MYO1E: variants seen among roughly 807,000 people sequenced by gnomAD.
The protein encoded by MYO1E is myosin IE.
Under a neutral mutation model 151.1 loss-of-function variants are expected in MYO1E, and 68 were observed. That is an observed-to-expected ratio of 0.45 (90% CI 0.37 to 0.55). The LOEUF (loss-of-function observed/expected upper bound fraction) is 0.55, where lower values mean the gene tolerates loss of function less well. Ranked by LOEUF, MYO1E falls within the 20% of genes least tolerant of loss-of-function variation. MYO1E has a pLI of 0.00. For missense variants in MYO1E, 1,363 were observed against 1,389.3 expected, an observed-to-expected ratio of 0.98 and a Z score of 0.30; for synonymous variants, 601 against 501.7, an observed-to-expected ratio of 1.20 and a Z score of -2.64.
intron 18 of MYO1E, among the ~76,000 whole-genome samples, chr15:59,186,718 C>G (rs1434110182): frequency 6.6e-6 from 1 of 152,206 alleles, no homozygotes; most frequent in African/African-American, 2.4e-5. Flanking sequence ...CACCACTGCA[C>G]TCCTGAGTAA....
intron 1 of MYO1E, among the ~76,000 whole-genome samples, chr15:59,337,026 TAA>T (rs10562967): frequency 0.41 from 62,229 of 150,814 alleles, 14,333 homozygotes; most frequent in East Asian, 0.78. Flanking sequence ...CTCCTAGTTT[TAA>T]AAAAAAAAAT....
intron 2 of MYO1E, among the ~76,000 whole-genome samples, chr15:59,265,244 G>C (rs970302526): frequency 6.6e-6 from 1 of 152,066 alleles, no homozygotes; most frequent in African/African-American, 2.4e-5. Flanking sequence ...GGTTACTGCC[G>C]CCTTGTCCTA....
chr15:59,180,905 A>T (rs2079654617), intron 18 of MYO1E, among the ~76,000 whole-genome samples: 1 of 152,186 alleles, frequency 6.6e-6, no homozygotes, highest in South Asian at 2.1e-4. Context: ...TTTAAGACTC[A>T]AATATGCTAA....
At chr15:59,247,149 T>G (rs1186035259) in intron 4 of MYO1E, among the ~76,000 whole-genome samples, 3 of 152,232 alleles carry the variant, frequency 2.0e-5, no homozygotes, top group African/African-American at 7.2e-5. Flanking sequence ...TGTGTTGAAA[T>G]TGTGCCACTG....
intron 1 of MYO1E, among the ~76,000 whole-genome samples, chr15:59,364,428 G>A (rs2080901930): frequency 6.6e-6 from 1 of 152,294 alleles, no homozygotes; most frequent in Middle Eastern, 3.4e-3. Context: ...ACTCTCCCCT[G>A]TACACACTTC....
chr15:59,293,047 T>G (rs1365648413), intron 1 of MYO1E, among the ~76,000 whole-genome samples: 1 of 152,032 alleles, frequency 6.6e-6, no homozygotes, highest in Non-Finnish European at 1.5e-5. Flanking sequence ...GGCATGGGGG[T>G]ACCATTGGTC....
At chr15:59,190,631 G>A (rs768480577) in intron 17 of MYO1E, among the ~76,000 whole-genome samples, 3 of 152,194 alleles carry the variant, frequency 2.0e-5, no homozygotes, top group African/African-American at 4.8e-5. Context: ...TTCCTGCTGC[G>A]CCACTGGCCC....
At chr15:59,276,834 G>C (rs1295746905) in intron 1 of MYO1E, among the ~76,000 whole-genome samples, 1 of 152,188 alleles carries the variant, frequency 6.6e-6, no homozygotes, top group Non-Finnish European at 1.5e-5. Context: ...GAAGAGCAAA[G>C]GTGAGTCAGC....
intron 4 of MYO1E, among the ~76,000 whole-genome samples, chr15:59,246,018 G>A (rs1223630700): frequency 2.6e-5 from 4 of 152,218 alleles, no homozygotes; most frequent in Admixed American, 2.0e-4. Context: ...ACAGATTAAT[G>A]AGCTAAGCAG....
At chr15:59,308,322 G>T (rs2080528197) in intron 1 of MYO1E, among the ~76,000 whole-genome samples, 1 of 150,308 alleles carries the variant, frequency 6.7e-6, no homozygotes, top group Non-Finnish European at 1.5e-5. Context: ...GATCGCCTGA[G>T]GTCAGGAGTT....
intron 27 of MYO1E, among the ~76,000 whole-genome samples, chr15:59,137,852 A>T (rs527894028): frequency 6.6e-6 from 1 of 152,224 alleles, no homozygotes; most frequent in Non-Finnish European, 1.5e-5. Flanking sequence ...ATTTGGTCTG[A>T]TCAGAATAAA....
intron 2 of MYO1E, among the ~76,000 whole-genome samples, chr15:59,266,140 G>C (rs947261539): frequency 1.3e-5 from 2 of 152,090 alleles, no homozygotes. Flanking sequence ...TGTCTGCAGA[G>C]ACCTTAGCTA....
chr15:59,156,442 C>T (rs947231708), intron 25 of MYO1E, among the ~76,000 whole-genome samples: 1 of 152,226 alleles, frequency 6.6e-6, no homozygotes, highest in African/African-American at 2.4e-5. Context: ...GTCTTGGTCT[C>T]CCAAAGTGCT....
chr15:59,268,257 TC>T (rs746930952), intron 2 of MYO1E, among the ~76,000 whole-genome samples: 65 of 152,112 alleles, frequency 4.3e-4, no homozygotes, highest in Non-Finnish European at 7.5e-4. Flanking sequence ...TCCATCAAGC[TC>T]CCTCAAAGCT....
In MYO1E at chr15:59,171,979, T is replaced by A; in HGVS notation, c.2398A>T (p.Lys800Ter). Residue 800 changes from lysine (K) to a stop codon, truncating the protein, a stop_gained, in exon 22 of 28, where the codon AAA becomes TAA. Coordinates refer to ENST00000288235, the MANE Select transcript of MYO1E (RefSeq NM_004998.4). LOFTEE classifies it high-confidence loss of function. ...ACCAGGCCCTTGTCTGGGCCCTGTTTGACTTTTTCTCGTCCGATTAAGTAC... is the reference window on the plus strand; with the variant it reads ...ACCAGGCCCTTGTCTGGGCCCTGTTAGACTTTTTCTCGTCCGATTAAGTAC... ...CLYLIGREKV[K>*]QGPDKGLVKE... 1 of 1,614,236 alleles carries A rather than the reference T, an allele frequency of 6.2e-7. No individual in the cohort carries two copies. Among genetic ancestry groups the A allele is most frequent in the Non-Finnish European group, 8.5e-7 (1 of 1,180,038 alleles).
chr15:59,254,520 T>C (rs2080183174), intron 4 of MYO1E, among the ~76,000 whole-genome samples: 1 of 152,194 alleles, frequency 6.6e-6, no homozygotes, highest in African/African-American at 2.4e-5. Flanking sequence ...CCTGCCAGAT[T>C]TGCTTTAAGT....
intron 26 of MYO1E, among the ~76,000 whole-genome samples, chr15:59,145,186 G>A (rs1596340449): frequency 6.6e-6 from 1 of 152,110 alleles, no homozygotes; most frequent in Non-Finnish European, 1.5e-5. Context: ...GATTAATGAG[G>A]TCTTCTAGGC....
At chr15:59,354,184 G>A (rs1259463296) in intron 1 of MYO1E, among the ~76,000 whole-genome samples, 1 of 152,214 alleles carries the variant, frequency 6.6e-6, no homozygotes, top group Non-Finnish European at 1.5e-5. Flanking sequence ...ACTGGAATTT[G>A]TGGGGAGCAG....
At position 59,253,481 on chromosome 15, in the gene MYO1E, G is replaced by GTTT. The variant is rs5812967; in HGVS notation, c.332+2800_332+2802dup. 7.1e-3 allele frequency among the ~76,000 whole-genome samples: 906 copies of GTTT among 126,866 alleles called. 36 individuals are homozygous for GTTT. The highest frequency in any genetic ancestry group is 0.021 in the African/African-American group (704 of 33,746). 83.2% of individuals were successfully genotyped at this position (126,866 alleles called of 152,430 possible). On this transcript the variant is annotated intron_variant, in intron 4 of 27. Coordinates refer to ENST00000288235, the MANE Select transcript of MYO1E (RefSeq NM_004998.4). Reference sequence around the variant, plus strand: ...AAAAACGGAATCTGAGTCTGATCGAGTTTTTTTTTTTTTTTTTTTGAGACA... The same window carrying GTTT: ...AAAAACGGAATCTGAGTCTGATCGAGTTTTTTTTTTTTTTTTTTTTTTGAGACA...
Sources: allele counts gnomAD v4.1 joint callset (sites outside exome capture counted in the v4.1 genomes callset), GRCh38; gene constraint gnomAD v4.1.1; transcripts MANE v1.5; gene names NCBI Gene and HGNC (gene_info 2026-07-23, HGNC 2026-07-21).